The following SRGAP2 variants were observed in gnomAD, a reference collection of about 807,000 sequenced individuals.
The protein encoded by SRGAP2 is SLIT-ROBO Rho GTPase-activating protein 2.
SRGAP2 carries 15 observed loss-of-function variants against 57.2 expected under a neutral mutation model. The ratio of observed to expected loss-of-function variants is 0.26; its 90% CI spans 0.18 to 0.40. SRGAP2 has a LOEUF of 0.40. Ranked by LOEUF, SRGAP2 falls within the 10% of genes least tolerant of loss-of-function variation. The probability of loss-of-function intolerance (pLI) is 1.00; values close to 1 mark genes in which losing one functional copy is unlikely to be tolerated. For missense variants in SRGAP2, 520 were observed against 669.6 expected (o/e 0.78, Z 2.47); for synonymous variants, 249 against 248.0 (o/e 1.00, Z -0.04).
At chr1:206,280,626 CTTA>C (rs1227218220) in intron 2 of SRGAP2, among the ~76,000 whole-genome samples, 2 of 147,924 alleles carry the variant, frequency 1.4e-5, no homozygotes, top group African/African-American at 5.0e-5. Context: ...GTTGTATTTG[CTTA>C]TTATGGAACT....
intron 4 of SRGAP2, 139 bp from the exon 5 acceptor site, chr1:206,383,875 T>G (rs1655938860): frequency 3.3e-6 from 2 of 613,598 alleles, no homozygotes; most frequent in Non-Finnish European, 5.8e-6. Context: ...CTGATTGGAG[T>G]GGTTATCTGA....
Position 206,353,989 on chromosome 1 carries a change from C to T in SRGAP2, c.423+10981C>T, listed in dbSNP as rs1676243502. Among the ~76,000 whole-genome samples the T allele has an allele frequency of 2.0e-5, 3 of 151,900 alleles. No homozygotes were observed. In the South Asian group the frequency reaches 6.3e-4, roughly 32 times the overall value. On this transcript the variant is annotated intron_variant, in intron 4 of 22. Coordinates refer to ENST00000573034, the MANE Select transcript of SRGAP2 (RefSeq NM_015326.5). Reference sequence around the variant, plus strand: ...TAATTTTTTTAGAGATGGGGTCTCGCTGTGGTGCCCAGGCTAGGCTTGAAC... The same window carrying T: ...TAATTTTTTTAGAGATGGGGTCTCGTTGTGGTGCCCAGGCTAGGCTTGAAC...
chr1:206,364,299 C>CTTTT (rs1194605542), intron 4 of SRGAP2, among the ~76,000 whole-genome samples: 11 of 118,578 alleles, frequency 9.3e-5, no homozygotes, highest in African/African-American at 2.0e-4. Flanking sequence ...GGTTGCTCTT[C>CTTTT]TTTTTTTTTT....
At position 206,453,251 on chromosome 1, in the gene SRGAP2, C is replaced by T. The variant is rs782518032; in HGVS notation, c.2231C>T (p.Ala744Val). Residue 744 changes from alanine (A) to valine (V), a missense_variant, in exon 20 of 23, where the codon GCC becomes GTC. By Grantham distance (64) the Ala-to-Val change is moderately conservative (BLOSUM62 0). Transcript: ENST00000573034. ...AAGTTTGACTACGTGGGCCGGACAGCCCGAGAGCTATCCTTTAAGAAGGGA... is the reference window on the plus strand; with the variant it reads ...AAGTTTGACTACGTGGGCCGGACAGTCCGAGAGCTATCCTTTAAGAAGGGA... ...IAKFDYVGRT[A>V]RELSFKKGAS... is the part of the protein sequence containing the mutation. The T allele has an allele frequency of 1.4e-6, 1 of 731,558 alleles. No homozygotes were observed. Among genetic ancestry groups the T allele is most frequent in the Non-Finnish European group, 2.6e-6 (1 of 391,864 alleles). The allele number at this position is 731,558 out of a possible 1,614,324, so 45.3% of individuals were successfully genotyped here.
chr1:206,337,080 A>T (rs1335643202), intron 3 of SRGAP2, among the ~76,000 whole-genome samples: 1 of 144,344 alleles, frequency 6.9e-6, no homozygotes, highest in Non-Finnish European at 1.5e-5. Flanking sequence ...GGCGGGTTTG[A>T]TAGGAATTCT....
At chr1:206,306,916 C>T (rs1672243182) in intron 3 of SRGAP2, among the ~76,000 whole-genome samples, 1 of 144,712 alleles carries the variant, frequency 6.9e-6, no homozygotes, top group African/African-American at 2.6e-5. Flanking sequence ...AGGTTCTCCA[C>T]ATCCTCACCA....
At chr1:206,413,326 C>T (rs1170106624) in intron 10 of SRGAP2, among the ~76,000 whole-genome samples, 2 of 152,180 alleles carry the variant, frequency 1.3e-5, no homozygotes, top group Non-Finnish European at 2.9e-5. Flanking sequence ...AGGCTTTCCA[C>T]CTCTGGGCCC....
At chr1:206,391,722 A>G (rs1290994309) in intron 5 of SRGAP2, among the ~76,000 whole-genome samples, 1 of 150,994 alleles carries the variant, frequency 6.6e-6, no homozygotes, top group Admixed American at 6.6e-5. Flanking sequence ...GCACTCGTGA[A>G]CTCCCTGTGT....
At chr1:206,437,866 G>A in intron 15 of SRGAP2, 98 bp from the exon 16 acceptor site, 3 of 737,042 alleles carry the variant, frequency 4.1e-6, no homozygotes, top group Non-Finnish European at 5.0e-6. Flanking sequence ...GATGGATTGG[G>A]ACCAGGACAT....
At chr1:206,448,358 G>A (rs1477668946) in intron 18 of SRGAP2, among the ~76,000 whole-genome samples, 1 of 152,098 alleles carries the variant, frequency 6.6e-6, no homozygotes, top group Non-Finnish European at 1.5e-5. Context: ...CTACCGGCTG[G>A]GTGGCATGGT....
At position 206,454,184 on chromosome 1, in the gene SRGAP2, C is replaced by A. The variant is rs1663610504; in HGVS notation, c.2361-694C>A. On this transcript the variant is annotated intron_variant, in intron 20 of 22. Coordinates refer to ENST00000573034, the MANE Select transcript of SRGAP2 (RefSeq NM_015326.5). This position sits in a 1 kb window ranked among gnomAD's most constrained non-coding sequence, Gnocchi z 4.3. ...GAGTCTGCACCCTCCCAGCCTCTTC[C>A]CGGCTCGTTCTGCAGGGAAATCCTC... 4.3e-6 allele frequency: 3 copies of A among 702,508 alleles called. No homozygotes were observed. Among genetic ancestry groups the A allele is most frequent in the Admixed American group, 2.0e-5 (1 of 50,006 alleles). 43.5% of individuals were successfully genotyped at this position (702,508 alleles called of 1,614,324 possible).
intron 17 of SRGAP2, among the ~76,000 whole-genome samples, chr1:206,441,986 C>A (rs983606627): frequency 2.6e-5 from 4 of 152,234 alleles, no homozygotes; most frequent in African/African-American, 4.8e-5. Context: ...GGTGTTTTTG[C>A]ACATATTTCT....
intron 14 of SRGAP2, among the ~76,000 whole-genome samples, chr1:206,433,057 C>G (rs1344464638): frequency 6.6e-6 from 1 of 152,136 alleles, no homozygotes; most frequent in African/African-American, 2.4e-5. Flanking sequence ...AATCATAAGT[C>G]AAACTATTGC....
At chr1:206,325,232 T>G (rs1673788696) in intron 3 of SRGAP2, among the ~76,000 whole-genome samples, 1 of 152,140 alleles carries the variant, frequency 6.6e-6, no homozygotes, top group Admixed American at 6.5e-5. Context: ...TATTTTATAC[T>G]ACAAGCTGGA....
At chr1:206,304,872 T>C in intron 3 of SRGAP2, among the ~76,000 whole-genome samples, 3 of 148,874 alleles carry the variant, frequency 2.0e-5, no homozygotes, top group African/African-American at 7.6e-5. Flanking sequence ...TCCTCCTGCC[T>C]CAGCCTACCT....
Position 206,454,045 on chromosome 1 carries a change from G to A in SRGAP2, c.2360+665G>A, listed in dbSNP as rs760426008. 1.2e-4 allele frequency: 86 copies of A among 694,262 alleles called. No individual in the cohort carries two copies. Among genetic ancestry groups the A allele is most frequent in the Non-Finnish European group, 2.0e-4 (77 of 380,294 alleles). The allele number at this position is 694,262 out of a possible 1,614,324, so 43.0% of individuals were successfully genotyped here. A position where few individuals can be genotyped will look rare whatever the true frequency, so the allele number is the denominator to read the frequency against. ...TTGTCCCGTGGGCCCACCCAAGCCT[G>A]CCCCCTGTCCGTTTGCCCTGTCTCT... On this transcript the variant is annotated intron_variant, in intron 20 of 22. Coordinates refer to ENST00000573034, the MANE Select transcript of SRGAP2 (RefSeq NM_015326.5). This position sits in a 1 kb window ranked among gnomAD's most constrained non-coding sequence, Gnocchi z 4.3.
At chr1:206,430,086 G>T in intron 13 of SRGAP2, 76 bp from the exon 14 acceptor site, 1 of 775,676 alleles carries the variant, frequency 1.3e-6, no homozygotes. Context: ...GTTCTGCACG[G>T]TTTGGCCCGT....
intron 2 of SRGAP2, among the ~76,000 whole-genome samples, chr1:206,275,519 C>A: frequency 8.0e-6 from 1 of 125,306 alleles, no homozygotes; most frequent in African/African-American, 3.2e-5. Context: ...GGTTTAACCC[C>A]CTAGAGAGCA....
intron 21 of SRGAP2, chr1:206,455,239 C>T (rs1553377978): frequency 3.4e-6 from 2 of 596,790 alleles, no homozygotes; most frequent in East Asian, 2.9e-5. Flanking sequence ...AGCTAGCTGC[C>T]CTCGTGCTGT....
Sources: gnomAD v4.1 joint callset for allele counts (sites outside exome capture counted in the v4.1 genomes callset) on GRCh38, gnomAD v4.1.1 for gene constraint, Gnocchi (gnomAD v3.1) non-coding constraint, MANE v1.5 for transcripts, NCBI Gene and HGNC (gene_info 2026-07-23, HGNC 2026-07-21) for gene names.